The following NAV3 variants were observed in gnomAD, a reference collection of about 807,000 sequenced individuals.
NAV3 encodes the protein pore membrane and/or filament interacting like protein 1.
NAV3 carries 87 observed loss-of-function variants against 244.7 expected under a neutral mutation model. The observed-to-expected ratio is 0.36, with a 90% confidence interval of 0.30 to 0.42. The LOEUF (loss-of-function observed/expected upper bound fraction) is 0.42. Among genes scored for constraint, NAV3 ranks in the 20% least tolerant of loss-of-function variants. NAV3 has a pLI of 1.00. For missense variants in NAV3, 2,663 were observed against 2,893.3 expected, an observed-to-expected ratio of 0.92 and a Z score of 1.83; for synonymous variants, 1,126 against 1,042.2, an observed-to-expected ratio of 1.08 and a Z score of -1.55.
At chr12:77,759,187 A>G (rs891944929) in intron 2 of NAV3, among the ~76,000 whole-genome samples, 3 of 152,114 alleles carry the variant, frequency 2.0e-5, no homozygotes, top group African/African-American at 7.2e-5. Flanking sequence ...ACAATGTTTC[A>G]TTGTTTTTAA....
At chr12:78,209,717 A>C (rs190307458) in intron 39 of NAV3, among the ~76,000 whole-genome samples, 1 of 152,304 alleles carries the variant, frequency 6.6e-6, no homozygotes, top group African/African-American at 2.4e-5. Context: ...TTCTCCTATA[A>C]GGCTGGGAAA....
intron 2 of NAV3, among the ~76,000 whole-genome samples, chr12:77,737,135 A>ATT (rs1877369688): frequency 2.0e-5 from 3 of 150,932 alleles, no homozygotes; most frequent in African/African-American, 7.4e-5. Flanking sequence ...AAACATTTAA[A>ATT]AAAAAAATCT....
rs150798865 is a variant in NAV3 at position 77,692,434 on chromosome 12, T to G, written c.72+120168T>G. 2.0e-5 allele frequency among the ~76,000 whole-genome samples: 3 copies of G among 152,178 alleles called. No homozygotes were observed. In the East Asian group the frequency reaches 5.8e-4, roughly 29 times the overall value. ...AATCATTTCCTTTCTAGCCCTCAGT[T>G]TGTCAATCTGTAAGATGGCAATGAT... On this transcript the variant is annotated intron_variant, in intron 2 of 8. Transcript: ENST00000550042.
chr12:78,075,596 G>A (rs562855538), intron 12 of NAV3, among the ~76,000 whole-genome samples: 2 of 152,230 alleles, frequency 1.3e-5, no homozygotes, highest in Admixed American at 1.3e-4. Context: ...ACTAGCACAG[G>A]AATTCTAAAG....
At chr12:77,836,572 G>A (rs1199859663) in intron 1 of NAV3, among the ~76,000 whole-genome samples, 1 of 152,152 alleles carries the variant, frequency 6.6e-6, no homozygotes, top group Admixed American at 6.5e-5. Context: ...GAGAGTAGGA[G>A]TCATACATAG....
intron 1 of NAV3, among the ~76,000 whole-genome samples, chr12:77,900,338 A>G (rs2136906745): frequency 6.6e-6 from 1 of 152,204 alleles, no homozygotes; most frequent in African/African-American, 2.4e-5. Flanking sequence ...GGCCTCCCAA[A>G]GTGCTGGGAT....
intron 12 of NAV3, among the ~76,000 whole-genome samples, chr12:78,076,228 T>A (rs1250082012): frequency 6.6e-6 from 1 of 152,198 alleles, no homozygotes; most frequent in Non-Finnish European, 1.5e-5. Context: ...GCGTTGCTTA[T>A]GCCTGAAATC....
chr12:77,874,859 T>G (rs1881616805), intron 1 of NAV3, among the ~76,000 whole-genome samples: 1 of 146,814 alleles, frequency 6.8e-6, no homozygotes, highest in Admixed American at 6.7e-5. Context: ...AAATATTATT[T>G]TATTCTGTAT....
intron 2 of NAV3, among the ~76,000 whole-genome samples, chr12:77,580,326 C>A (rs1441850112): frequency 2.2e-4 from 33 of 152,096 alleles, no homozygotes; most frequent in Admixed American, 2.1e-3. Context: ...GACAGAATTT[C>A]CCTGTGGGTC....
intron 2 of NAV3, among the ~76,000 whole-genome samples, chr12:77,769,918 C>A (rs957057677): frequency 6.6e-6 from 1 of 152,012 alleles, no homozygotes; most frequent in Non-Finnish European, 1.5e-5. Flanking sequence ...GAATGTTTGA[C>A]CAGGTAACTA....
chr12:77,827,662 T>C (rs984722561), upstream of NAV3, among the ~76,000 whole-genome samples: 3 of 152,246 alleles, frequency 2.0e-5, no homozygotes, highest in Non-Finnish European at 4.4e-5. Flanking sequence ...TTTATCTTTC[T>C]AATTCTCATG....
chr12:77,686,500 A>G (rs1188144893), intron 2 of NAV3, among the ~76,000 whole-genome samples: 1 of 150,900 alleles, frequency 6.6e-6, no homozygotes, highest in Non-Finnish European at 1.5e-5. Flanking sequence ...TCTGTTTAAA[A>G]AATTGTTTTA....
chr12:77,900,327 T>C (rs1417089091), intron 1 of NAV3, among the ~76,000 whole-genome samples: 1 of 152,068 alleles, frequency 6.6e-6, no homozygotes, highest in Non-Finnish European at 1.5e-5. Flanking sequence ...CTGCCCGCCT[T>C]GGCCTCCCAA....
rs1378531162 is a variant in NAV3 at position 78,177,679 on chromosome 12, G to C, written c.5357G>C (p.Arg1786Thr). The C allele has an allele frequency of 4.4e-6, 7 of 1,597,060 alleles. No homozygotes were observed. The African/African-American group carries it at 8.0e-5, about 18-fold the overall frequency. The change falls in exon 28 of 40, where the codon AGA (arginine) becomes ACA (threonine). Residue 1786 changes from arginine (R) to threonine (T), a missense_variant. Around this residue, in one of 6 missense-constraint regions of NAV3, gnomAD observed 193 missense variants for 200.7 expected, o/e 0.96. Coordinates refer to ENST00000397909, the MANE Select transcript of NAV3 (RefSeq NM_001024383.2). The stretch of plus-strand genomic sequence containing the variant: ...AATGGCCCTGTGATCTACAAGCATA[G>C]ATCTCGGTAAAGTGGAGTGCGATGC... ...RQNGPVIYKH[R>T]SRICECTEAE...
upstream of NAV3, among the ~76,000 whole-genome samples, chr12:77,827,489 C>T (rs563703902): frequency 6.6e-6 from 1 of 152,172 alleles, no homozygotes; most frequent in Admixed American, 6.5e-5. Context: ...GCCTAAAACT[C>T]CAGCTTAGCT....
intron 3 of NAV3, among the ~76,000 whole-genome samples, chr12:77,949,993 T>C (rs1023134246): frequency 6.6e-6 from 1 of 152,130 alleles, no homozygotes; most frequent in Admixed American, 6.6e-5. Context: ...CATGGCTTGA[T>C]GGCTCATTTC....
chr12:77,793,107 G>A (rs1871255831), intron 2 of NAV3, among the ~76,000 whole-genome samples: 1 of 152,014 alleles, frequency 6.6e-6, no homozygotes, highest in Admixed American at 6.6e-5. Context: ...AGCATGCACT[G>A]TAGTTGAAAA....
At chr12:77,633,395 T>G (rs1013637638) in intron 2 of NAV3, among the ~76,000 whole-genome samples, 4 of 152,090 alleles carry the variant, frequency 2.6e-5, no homozygotes, top group African/African-American at 9.7e-5. Flanking sequence ...CTGAAGCTAA[T>G]CTATAATTGT....
chr12:77,852,578 A>G (rs1877712851), intron 1 of NAV3, among the ~76,000 whole-genome samples: 1 of 152,068 alleles, frequency 6.6e-6, no homozygotes, highest in Non-Finnish European at 1.5e-5. Flanking sequence ...TAAATAAATA[A>G]TGTTATACTT....
Sources: allele counts gnomAD v4.1 joint callset (sites outside exome capture counted in the v4.1 genomes callset), GRCh38; gene constraint gnomAD v4.1.1; regional missense constraint gnomAD v4.1.1; transcripts MANE v1.5; gene names NCBI Gene and HGNC (gene_info 2026-07-23, HGNC 2026-07-21).